The following CAST variants were observed in gnomAD, a reference collection of about 807,000 sequenced individuals.
The protein encoded by CAST is MIR583 host.
CAST carries 76 observed loss-of-function variants against 119.6 expected under a neutral mutation model. That is an observed-to-expected ratio of 0.64 (90% CI 0.53 to 0.77). The LOEUF is 0.77. Ranked by LOEUF, CAST falls within the 30% of genes least tolerant of loss-of-function variation. The pLI is 0.00. For missense variants in CAST, 953 were observed against 946.5 expected, an observed-to-expected ratio of 1.01 and a Z score of -0.09; for synonymous variants, 319 against 331.6, an observed-to-expected ratio of 0.96 and a Z score of 0.41.
At chr5:95,986,589 A>T in the CAST span, among the ~76,000 whole-genome samples, 1 of 152,144 alleles carries the variant, frequency 6.6e-6, no homozygotes, top group Non-Finnish European at 1.5e-5. Flanking sequence ...CAGTATTTTC[A>T]TCTTCTCTTC....
intron 2 of CAST, 77 bp from the exon 3 acceptor site, chr5:96,695,759 A>G: frequency 1.2e-6 from 1 of 860,768 alleles, no homozygotes; most frequent in Non-Finnish European, 1.9e-6. Context: ...AAATATTTGT[A>G]TTGATATGTA....
chr5:96,083,955 A>G, the CAST span, among the ~76,000 whole-genome samples: 1 of 152,198 alleles, frequency 6.6e-6, no homozygotes, highest in Non-Finnish European at 1.5e-5. Flanking sequence ...GCAAGCTACT[A>G]AAGATGTTGC....
chr5:96,410,735 TC>T, the CAST span: 3 of 1,513,118 alleles, frequency 2.0e-6, no homozygotes, highest in Non-Finnish European at 2.8e-6. Context: ...TGCCACGCTC[TC>T]CTAACTAAGC....
intron 3 of CAST, chr5:96,702,684 C>A: frequency 1.4e-6 from 1 of 699,010 alleles, no homozygotes; most frequent in Non-Finnish European, 1.8e-6. Context: ...AGGCGCATGA[C>A]GAGTCCACGG....
chr5:96,268,831 C>A, the CAST span, among the ~76,000 whole-genome samples: 3 of 152,136 alleles, frequency 2.0e-5, no homozygotes, highest in African/African-American at 7.2e-5. Context: ...TGTGTCCCTA[C>A]CCAAATCTCA....
At chr5:96,673,656 G>A (rs1047345351) in intron 1 of CAST, among the ~76,000 whole-genome samples, 5 of 152,136 alleles carry the variant, frequency 3.3e-5, no homozygotes, top group Non-Finnish European at 7.3e-5. Flanking sequence ...CATGCTAATG[G>A]CCCCCTTATT....
chr5:96,023,126 A>T, the CAST span, among the ~76,000 whole-genome samples: 1 of 152,182 alleles, frequency 6.6e-6, no homozygotes, highest in African/African-American at 2.4e-5. Context: ...AACAGATGTC[A>T]TCTCTTGTCC....
At chr5:96,712,259 G>C (rs1282535265) in intron 3 of CAST, among the ~76,000 whole-genome samples, 1 of 152,194 alleles carries the variant, frequency 6.6e-6, no homozygotes, top group Non-Finnish European at 1.5e-5. Context: ...ATTTAGCAGA[G>C]CTGAGATTCA....
chr5:96,610,669 A>C (rs1484744083), intron 1 of CAST, among the ~76,000 whole-genome samples: 2 of 152,204 alleles, frequency 1.3e-5, no homozygotes, highest in Non-Finnish European at 2.9e-5. Flanking sequence ...TCCTAGCCAG[A>C]GCAATCAGGC....
At chr5:96,472,489 A>G in the CAST span, among the ~76,000 whole-genome samples, 1 of 152,330 alleles carries the variant, frequency 6.6e-6, no homozygotes, top group African/African-American at 2.4e-5. Context: ...TCAATAAATA[A>G]TTGTTGAATA....
upstream of CAST, chr5:96,662,315 C>T: frequency 9.2e-7 from 1 of 1,088,646 alleles, no homozygotes; most frequent in Non-Finnish European, 1.2e-6. Context: ...GCTCCCGGGC[C>T]CTCCGCTCCC....
chr5:96,270,678 G>A, the CAST span, among the ~76,000 whole-genome samples: 7 of 152,048 alleles, frequency 4.6e-5, no homozygotes, highest in Admixed American at 4.6e-4. Context: ...GACACATGGT[G>A]GGGAGCAACA....
chr5:96,047,642 A>T, the CAST span, among the ~76,000 whole-genome samples: 6 of 152,220 alleles, frequency 3.9e-5, no homozygotes, highest in East Asian at 1.2e-3. Flanking sequence ...TCATCTATTA[A>T]CTGTTTGTTG....
chr5:96,452,461 G>A, the CAST span, among the ~76,000 whole-genome samples: 2 of 151,810 alleles, frequency 1.3e-5, no homozygotes, highest in East Asian at 3.9e-4. Context: ...ATGGACACAA[G>A]GAGGGGAACA....
chr5:96,625,575 A>G (rs1297148114), intron 1 of CAST, among the ~76,000 whole-genome samples: 1 of 152,224 alleles, frequency 6.6e-6, no homozygotes, highest in Non-Finnish European at 1.5e-5. Context: ...AGGGAAACCA[A>G]TTTTAAAGAA....
chr5:96,305,337 C>T, the CAST span, among the ~76,000 whole-genome samples: 9 of 152,180 alleles, frequency 5.9e-5, no homozygotes, highest in Admixed American at 1.3e-4. Flanking sequence ...TGCTTATCAG[C>T]GTAAGGAGAT....
the CAST span, among the ~76,000 whole-genome samples, chr5:96,333,910 G>A: frequency 6.6e-6 from 1 of 152,132 alleles, no homozygotes; most frequent in Non-Finnish European, 1.5e-5. Context: ...GCTTCAACTG[G>A]AGCAAGCAGC....
intron 1 of CAST, among the ~76,000 whole-genome samples, chr5:96,601,702 C>A (rs917281510): frequency 6.6e-6 from 1 of 152,070 alleles, no homozygotes; most frequent in South Asian, 2.1e-4. Context: ...TGTACATTTC[C>A]TTTGTGCATC....
chr5:96,645,531 AT>A (rs1748003663), intron 1 of CAST, among the ~76,000 whole-genome samples: 1 of 152,230 alleles, frequency 6.6e-6, no homozygotes, highest in Admixed American at 6.5e-5. Context: ...GATTATTAAA[AT>A]TGACTGAGAT....
Sources: gnomAD v4.1 joint callset for allele counts (sites outside exome capture counted in the v4.1 genomes callset) on GRCh38, gnomAD v4.1.1 for gene constraint, MANE v1.5 for transcripts, NCBI Gene and HGNC (gene_info 2026-07-23, HGNC 2026-07-21) for gene names.